The following KCTD13 variants were observed in gnomAD, a reference collection of about 807,000 sequenced individuals.
The protein encoded by KCTD13 is BTB/POZ domain-containing adapter for CUL3-mediated RhoA degradation protein 1.
In KCTD13, 15 loss-of-function variants were observed where a neutral mutation model predicts 32.3. The observed-to-expected ratio is 0.46, with a 90% CI of 0.31 to 0.71. The LOEUF (loss-of-function observed/expected upper bound fraction) is 0.71, where lower values mean the gene tolerates loss of function less well. Ranked by LOEUF, KCTD13 falls within the 30% of genes least tolerant of loss-of-function variation. KCTD13 has a pLI of 0.05. For synonymous variants in KCTD13, 189 were observed against 200.1 expected (o/e 0.94, Z 0.47); for missense variants, 337 against 452.6 (o/e 0.74, Z 2.32).
At chr16:29,912,270 C>T (rs2068727285) in intron 2 of KCTD13, 1 of 580,196 alleles carries the variant, frequency 1.7e-6, no homozygotes, top group Non-Finnish European at 3.0e-6. Context: ...CTTGTGCCTG[C>T]CCCGGCCACT....
intron 2 of KCTD13, among the ~76,000 whole-genome samples, chr16:29,916,337 C>A (rs1420624269): frequency 6.6e-6 from 1 of 152,160 alleles, no homozygotes; most frequent in African/African-American, 2.4e-5. Context: ...GATCCTCCCA[C>A]CTTGGCCTCC....
At chr16:29,913,492 C>T (rs2068753762) in intron 2 of KCTD13, 1 of 152,126 alleles carries the variant, frequency 6.6e-6, no homozygotes, top group Non-Finnish European at 1.5e-5. Flanking sequence ...AACAAACTGC[C>T]CCCAATTTAG....
intron 2 of KCTD13, among the ~76,000 whole-genome samples, chr16:29,916,939 C>T (rs910439572): frequency 4.6e-5 from 7 of 152,170 alleles, no homozygotes; most frequent in African/African-American, 1.7e-4. Context: ...CAGTTCCTCA[C>T]CAAGTGGACC....
Position 29,911,806 on chromosome 16 carries a change from G to C in KCTD13, c.557+9C>G. On this transcript the variant is annotated intron_variant, in intron 4 of 5. Transcript: ENST00000568000. ...GGTCCCGCCCAGTGCCCCGCACCCC[G>C]GCGGTCACCTGGTGTAGGAGTACTT... 1 of 1,612,328 alleles carries C rather than the reference G, an allele frequency of 6.2e-7. No homozygotes were observed. Among genetic ancestry groups the C allele is most frequent in the Admixed American group, 1.7e-5 (1 of 59,904 alleles).
chr16:29,924,047 G>A (rs1174249639), intron 1 of KCTD13, among the ~76,000 whole-genome samples: 1 of 151,514 alleles, frequency 6.6e-6, no homozygotes, highest in Non-Finnish European at 1.5e-5. Context: ...GGTGGCGCAT[G>A]CCTGTAATCC....
chr16:29,923,162 T>TA (rs751610130), intron 2 of KCTD13, 28 bp downstream of exon 2: 2 of 1,611,018 alleles, frequency 1.2e-6, no homozygotes, highest in African/African-American at 2.7e-5. Flanking sequence ...CCCAGGAACA[T>TA]AGGCATGGGG....
In KCTD13 at chr16:29,911,466, A is replaced by G. The variant is rs371731493; in HGVS notation, c.558-293T>C. ...ATTTTTTAACTGGGTGACACTAGGC[A>G]AGTTACTTCACCTCTTGGTGTCCCG... On this transcript the variant is annotated intron_variant, in intron 4 of 5. Coordinates refer to ENST00000568000, the MANE Select transcript of KCTD13 (RefSeq NM_178863.5). The G allele has an allele frequency of 1.8e-5, 10 of 558,894 alleles. No individual in the cohort carries two copies. In the East Asian group the frequency reaches 3.0e-4, roughly 17 times the overall value. The allele number at this position is 558,894 out of a possible 1,614,324, so 34.6% of individuals were successfully genotyped here.
chr16:29,921,698 G>C (rs963475312), intron 2 of KCTD13: 1 of 152,106 alleles, frequency 6.6e-6, no homozygotes, highest in Admixed American at 6.6e-5. Context: ...ACTACAGGCC[G>C]GTGGCTCACG....
At chr16:29,907,187 A>G in intron 5 of KCTD13, 79 bp from the exon 6 acceptor site, 1 of 949,454 alleles carries the variant, frequency 1.1e-6, no homozygotes, top group Non-Finnish European at 1.6e-6. Context: ...GGGCCCCTGC[A>G]CCAACACACC....
intron 5 of KCTD13, among the ~76,000 whole-genome samples, chr16:29,910,235 T>G (rs1567440121): frequency 6.7e-6 from 1 of 150,136 alleles, no homozygotes; most frequent in Non-Finnish European, 1.5e-5. Context: ...CCGTTTCTAC[T>G]AAAAATACAA....
chr16:29,909,688 CTTT>C (rs760949977), intron 5 of KCTD13, among the ~76,000 whole-genome samples: 1 of 142,942 alleles, frequency 7.0e-6, no homozygotes, highest in Non-Finnish European at 1.5e-5. Flanking sequence ...CTGAGTTTCC[CTTT>C]TTTTTTTTTT....
intron 2 of KCTD13, chr16:29,920,944 T>G (rs1277204445): frequency 6.6e-6 from 1 of 152,160 alleles, no homozygotes; most frequent in African/African-American, 2.4e-5. Flanking sequence ...AGGATGCTCA[T>G]GGTGACACGG....
chr16:29,906,573 AAAG>A lies in KCTD13; in HGVS notation c.*296_*298del. Reference sequence around the variant, plus strand: ...CTTTGGCATGGACGATGCACTAAAAAAAGAGAAAGGGAATTCTAAATCCCTCTT... The same window carrying A: ...CTTTGGCATGGACGATGCACTAAAAAAGAAAGGGAATTCTAAATCCCTCTT... On this transcript the variant is annotated 3_prime_UTR_variant, in exon 6 of 6. Transcript: ENST00000568000. 1 of 547,444 alleles carries A rather than the reference AAAG, an allele frequency of 1.8e-6. No individual in the cohort carries two copies. Among genetic ancestry groups the A allele is most frequent in the Non-Finnish European group, 3.5e-6 (1 of 285,618 alleles). 33.9% of individuals were successfully genotyped at this position (547,444 alleles called of 1,614,324 possible). A position where few individuals can be genotyped will look rare whatever the true frequency, so the allele number is the denominator to read the frequency against.
At chr16:29,917,641 T>C (rs974851383) in intron 2 of KCTD13, among the ~76,000 whole-genome samples, 6 of 152,200 alleles carry the variant, frequency 3.9e-5, no homozygotes, top group African/African-American at 1.4e-4. Context: ...TAGCCAGGCA[T>C]GGTGGTGCAC....
intron 2 of KCTD13, chr16:29,913,832 T>A (rs2068760133): frequency 6.6e-6 from 1 of 152,170 alleles, no homozygotes; most frequent in Non-Finnish European, 1.5e-5. Flanking sequence ...GAAGCCTCAT[T>A]GTCTTTTTTA....
chr16:29,911,041 G>A lies in KCTD13; in HGVS notation c.690C>T (p.Gly230=), dbSNP rs759768313. ...EICCWSFYGQ[G]RKIAEVCCTS... ...TGCAGCACACCTCGGCGATTTTGCG[G>A]CCCTGCCCGTAGAAAGACCAGCAGC... The change falls in exon 5 of 6, where the codon GGC becomes GGT. Residue 230 remains glycine, a synonymous_variant. Coordinates refer to ENST00000568000, the MANE Select transcript of KCTD13 (RefSeq NM_178863.5). 3 of 1,614,164 alleles carry A rather than the reference G, an allele frequency of 1.9e-6. No individual in the cohort carries two copies. Among genetic ancestry groups the A allele is most frequent in the Non-Finnish European group, 2.5e-6 (3 of 1,180,026 alleles).
At chr16:29,911,491 G>A (rs1025389227) in intron 4 of KCTD13, 5 of 562,074 alleles carry the variant, frequency 8.9e-6, no homozygotes, top group Middle Eastern at 4.6e-4. Flanking sequence ...TTGGTGTCCC[G>A]ACCTCCTCAT....
intron 1 of KCTD13, among the ~76,000 whole-genome samples, chr16:29,923,746 G>GT: frequency 6.6e-6 from 1 of 151,894 alleles, no homozygotes; most frequent in African/African-American, 2.4e-5. Flanking sequence ...CAGCTACTCG[G>GT]GGGGGGGCGA....
chr16:29,925,583 T>C (rs1472174673), intron 1 of KCTD13: 1 of 589,582 alleles, frequency 1.7e-6, no homozygotes, highest in Non-Finnish European at 3.0e-6. Flanking sequence ...TGGTTATTGC[T>C]GGGGGTAAAG....
Sources: allele counts gnomAD v4.1 joint callset (sites outside exome capture counted in the v4.1 genomes callset), GRCh38; gene constraint gnomAD v4.1.1; transcripts MANE v1.5; gene names NCBI Gene and HGNC (gene_info 2026-07-23, HGNC 2026-07-21).